Variants in JAZF1 observed in about 807,000 individuals in gnomAD.
JAZF1 encodes JAZF zinc finger 1, also known as juxtaposed with another zinc finger protein 1.
A neutral mutation model predicts 26.4 loss-of-function variants in JAZF1; 8 were observed. The ratio of observed to expected loss-of-function variants is 0.30; its 90% CI spans 0.18 to 0.55. The LOEUF (loss-of-function observed/expected upper bound fraction) is 0.55. Ranked by LOEUF, JAZF1 falls within the 20% of genes least tolerant of loss-of-function variation. The pLI is 0.94. For missense variants in JAZF1, 199 were observed against 322.0 expected, an observed-to-expected ratio of 0.62 and a Z score of 2.92; for synonymous variants, 126 against 122.3, an observed-to-expected ratio of 1.03 and a Z score of -0.20.
intron 3 of JAZF1, among the ~76,000 whole-genome samples, chr7:27,860,163 T>G (rs557000107): frequency 1.7e-4 from 26 of 152,262 alleles, no homozygotes; most frequent in Non-Finnish European, 2.8e-4. Flanking sequence ...TCACATTTAT[T>G]TTAATGTTTA....
chr7:28,054,286 T>G lies in JAZF1; in HGVS notation c.116-62305A>C, dbSNP rs150946556. Among the ~76,000 whole-genome samples the G allele has an allele frequency of 8.3e-4, 127 of 152,300 alleles. No individual in the cohort carries two copies. In the East Asian group the frequency reaches 0.023, roughly 28 times the overall value. Reference sequence around the variant, plus strand: ...ACTGACCCCATAGTAGTTATAGAAGTTGAAGAGATACAACTTAAAAAGAAT... The same window carrying G: ...ACTGACCCCATAGTAGTTATAGAAGGTGAAGAGATACAACTTAAAAAGAAT... On this transcript the variant is annotated intron_variant, in intron 1 of 4. Coordinates refer to ENST00000283928, the MANE Select transcript of JAZF1 (RefSeq NM_175061.4).
intron 1 of JAZF1, among the ~76,000 whole-genome samples, chr7:28,059,505 A>C (rs994920469): frequency 2.0e-5 from 3 of 152,194 alleles, no homozygotes; most frequent in African/African-American, 7.2e-5. Context: ...TATAAACAAC[A>C]CATATTTTGG....
chr7:27,906,254 G>A (rs1784256034), intron 2 of JAZF1, among the ~76,000 whole-genome samples: 1 of 128,576 alleles, frequency 7.8e-6, no homozygotes, highest in Admixed American at 8.5e-5. Flanking sequence ...GGTGCTGGAT[G>A]CCCCCGTTCC....
rs560645912 is a variant in JAZF1, at chr7:28,122,016, T to C, written c.115+58447A>G. On this transcript the variant is annotated intron_variant, in intron 1 of 4. Coordinates refer to ENST00000283928, the MANE Select transcript of JAZF1 (RefSeq NM_175061.4). The stretch of plus-strand genomic sequence containing the variant: ...GATCAAAGAATATTCCTTGCATTTA[T>C]GAAAATCTTTGAAGTATAGAGACTT... Among the ~76,000 whole-genome samples, 37 of 152,364 alleles carry C rather than the reference T, an allele frequency of 2.4e-4. No individual in the cohort carries two copies. In the South Asian group the frequency reaches 6.8e-3, roughly 28 times the overall value.
intron 3 of JAZF1, among the ~76,000 whole-genome samples, chr7:27,857,099 G>A (rs1783273960): frequency 6.6e-6 from 1 of 152,250 alleles, no homozygotes; most frequent in African/African-American, 2.4e-5. Flanking sequence ...GCGCCGTGGA[G>A]CAGGGGGCGG....
At chr7:28,021,199 G>A (rs937759247) in intron 1 of JAZF1, among the ~76,000 whole-genome samples, 1 of 152,146 alleles carries the variant, frequency 6.6e-6, no homozygotes, top group Non-Finnish European at 1.5e-5. Context: ...GAGACATCAG[G>A]AAAGACTCCC....
chr7:27,989,588 A>C (rs1785851804), intron 2 of JAZF1, among the ~76,000 whole-genome samples: 1 of 152,234 alleles, frequency 6.6e-6, no homozygotes, highest in Admixed American at 6.5e-5. Flanking sequence ...ATTTACAAGA[A>C]AAAAATCAAA....
chr7:28,020,975 T>C (rs991951877), intron 1 of JAZF1, among the ~76,000 whole-genome samples: 3 of 152,186 alleles, frequency 2.0e-5, no homozygotes, highest in African/African-American at 7.2e-5. Flanking sequence ...TTCACAACCA[T>C]ACCCCGGAGC....
intron 2 of JAZF1, among the ~76,000 whole-genome samples, chr7:27,904,401 G>A (rs897630019): frequency 6.6e-6 from 1 of 152,174 alleles, no homozygotes; most frequent in East Asian, 1.9e-4. Flanking sequence ...TTAGTAAAAC[G>A]ACCTAGAAAC....
At chr7:28,154,246 C>T (rs1409722364) in intron 1 of JAZF1, among the ~76,000 whole-genome samples, 3 of 152,196 alleles carry the variant, frequency 2.0e-5, no homozygotes, top group Non-Finnish European at 4.4e-5. Context: ...ATAATCTAAG[C>T]TGTCCAGCAA....
intron 2 of JAZF1, among the ~76,000 whole-genome samples, chr7:27,931,503 T>G (rs1468832704): frequency 1.3e-5 from 2 of 152,226 alleles, no homozygotes; most frequent in African/African-American, 4.8e-5. Context: ...ATGTGTGTGT[T>G]TGCACATGAT....
In JAZF1 at chr7:28,001,344, C is replaced by G. The variant is rs554595458; in HGVS notation, c.116-9363G>C. Among the ~76,000 whole-genome samples, 3 of 150,520 alleles carry G rather than the reference C, an allele frequency of 2.0e-5. No homozygotes were observed. In the South Asian group the frequency reaches 6.4e-4, roughly 32 times the overall value. ...TCCAGCCTGGGTGACAGAGTGAGAC[C>G]CTGTCTCAAAAAAAACAAAACAAAA... On this transcript the variant is annotated intron_variant, in intron 1 of 4. Transcript: ENST00000283928.
At chr7:28,034,502 A>ACACACACT (rs1411528754) in intron 1 of JAZF1, among the ~76,000 whole-genome samples, 2 of 151,266 alleles carry the variant, frequency 1.3e-5, no homozygotes, top group African/African-American at 2.5e-5. Flanking sequence ...ACACACACAC[A>ACACACACT]CTGATTTATA....
chr7:27,862,381 A>T (rs1403843051), intron 3 of JAZF1, among the ~76,000 whole-genome samples: 1 of 147,004 alleles, frequency 6.8e-6, no homozygotes, highest in Non-Finnish European at 1.5e-5. Context: ...AGAGGTCCCC[A>T]GTGTCTACTG....
rs890393277 is a variant in JAZF1 at position 27,858,187 on chromosome 7, C to A, written c.386-17320G>T. On this transcript the variant is annotated intron_variant, in intron 3 of 4. Transcript: ENST00000283928. ...TAAAACTTACAAGGGATGTGAAAGA[C>A]CTCTTCAAGGACAACTATAAACCAC... Among the ~76,000 whole-genome samples the A allele has an allele frequency of 8.5e-5, 13 of 152,056 alleles. 1 individual carries two copies. Among genetic ancestry groups the A allele is most frequent in the Middle Eastern group, 3.2e-3 (1 of 316 alleles).
intron 2 of JAZF1, among the ~76,000 whole-genome samples, chr7:27,901,031 T>C (rs1451159347): frequency 6.6e-6 from 1 of 152,062 alleles, no homozygotes; most frequent in African/African-American, 2.4e-5. Flanking sequence ...GTTGATATTT[T>C]AGGGTTTTTC....
At chr7:28,166,904 A>G (rs994735056) in intron 1 of JAZF1, among the ~76,000 whole-genome samples, 25 of 152,238 alleles carry the variant, frequency 1.6e-4, no homozygotes, top group African/African-American at 5.8e-4. Context: ...AATATTTAAC[A>G]AAAAGCAGAA....
rs1419918140 is a variant in JAZF1 at position 28,110,519 on chromosome 7, GGA to G, written c.115+69942_115+69943del. On this transcript the variant is annotated intron_variant, in intron 1 of 4. Transcript: ENST00000283928. ...AAAGGAAAGGAAAAGGAAAGGAAAA[GGA>G]AAAGGAAAAGGAAAGGAAAAGGAAA... Among the ~76,000 whole-genome samples, 119 of 75,032 alleles carry G rather than the reference GGA, an allele frequency of 1.6e-3. 2 individuals carry two copies. The highest frequency in any genetic ancestry group is 2.5e-3 in the East Asian group (6 of 2,410). The allele number at this position is 75,032 out of a possible 152,430, so 49.2% of individuals were successfully genotyped here.
rs528633394 is a variant in JAZF1, at chr7:27,867,057, G to C, written c.386-26190C>G. Among the ~76,000 whole-genome samples, 23 of 152,254 alleles carry C rather than the reference G, an allele frequency of 1.5e-4. No individual in the cohort carries two copies. The South Asian group carries it at 4.6e-3, about 30-fold the overall frequency. On this transcript the variant is annotated intron_variant, in intron 3 of 4. Transcript: ENST00000283928. The stretch of plus-strand genomic sequence containing the variant: ...CAACTGCTGCTTGTGTCTGCACTGC[G>C]GCAGCCCTCGCCGGAGCTTGTTTTG...
Sources: allele counts gnomAD v4.1 joint callset (sites outside exome capture counted in the v4.1 genomes callset), GRCh38; gene constraint gnomAD v4.1.1; transcripts MANE v1.5; gene names NCBI Gene and HGNC (gene_info 2026-07-23, HGNC 2026-07-21).